The following WDFY3 variants were observed in gnomAD, a reference collection of about 807,000 sequenced individuals.
WDFY3 encodes the protein WD repeat and FYVE domain containing 3, also known as WD repeat and FYVE domain-containing protein 3.
In WDFY3, 66 loss-of-function variants were observed where a neutral mutation model predicts 409.6. That is an observed-to-expected ratio of 0.16 (90% CI 0.13 to 0.20). The LOEUF (loss-of-function observed/expected upper bound fraction) is 0.20. Ranked by LOEUF, WDFY3 falls within the 10% of genes least tolerant of loss-of-function variation. The probability of loss-of-function intolerance (pLI) is 1.00; values close to 1 mark genes in which losing one functional copy is unlikely to be tolerated. For missense variants in WDFY3, 3,031 were observed against 4,298.1 expected (o/e 0.71, Z 8.24); for synonymous variants, 1,521 against 1,537.1 (o/e 0.99, Z 0.25).
Position 84,920,218 on chromosome 4 carries a change from C to T in WDFY3, c.-132+12052G>A, listed in dbSNP as rs111444303. Among the ~76,000 whole-genome samples the T allele has an allele frequency of 4.3e-4, 65 of 152,150 alleles. 1 individual carries two copies. Among genetic ancestry groups the T allele is most frequent in the African/African-American group, 1.4e-3 (57 of 41,542 alleles). On this transcript the variant is annotated intron_variant, in intron 2 of 67. Coordinates refer to ENST00000295888, the MANE Select transcript of WDFY3 (RefSeq NM_014991.6). Reference sequence around the variant, plus strand: ...CGCAAGATATGATCATTGACTAATTCCTACACTGGAGGAGAAGAAAACTGC... The same window carrying T: ...CGCAAGATATGATCATTGACTAATTTCTACACTGGAGGAGAAGAAAACTGC...
At chr4:84,889,329 T>C (rs1050475650) in intron 3 of WDFY3, among the ~76,000 whole-genome samples, 13 of 152,178 alleles carry the variant, frequency 8.5e-5, no homozygotes, top group African/African-American at 2.7e-4. Context: ...TTGTGCATGA[T>C]ATTACACATC....
chr4:84,744,925 T>G (rs1194482712), intron 36 of WDFY3, among the ~76,000 whole-genome samples: 1 of 149,512 alleles, frequency 6.7e-6, no homozygotes, highest in Non-Finnish European at 1.5e-5. Flanking sequence ...CAAAGACATA[T>G]GTTTTCCTAA....
chr4:84,899,258 CA>C (rs1484826791), intron 2 of WDFY3, among the ~76,000 whole-genome samples: 8 of 151,968 alleles, frequency 5.3e-5, no homozygotes, highest in Admixed American at 5.2e-4. Context: ...ATATCCAAGC[CA>C]AAAGACCACA....
At chr4:84,848,988 C>G (rs1214421880) in intron 5 of WDFY3, among the ~76,000 whole-genome samples, 4 of 152,100 alleles carry the variant, frequency 2.6e-5, no homozygotes, top group Non-Finnish European at 4.4e-5. Context: ...AAGAAAAGAA[C>G]CCATTTTTCA....
rs749310410 is a variant in WDFY3, at chr4:84,741,789, A to T, written c.6206T>A (p.Ile2069Lys). Residue 2069 changes from isoleucine to lysine, a missense_variant, in exon 38 of 68, where the codon ATA (isoleucine) becomes AAA (lysine). Physicochemically the swap from Ile to Lys is moderately radical, Grantham distance 102. Around this residue, in one of 16 missense-constraint regions of WDFY3, gnomAD observed 314 missense variants for 397.4 expected, o/e 0.79. Transcript: ENST00000295888. ...TGCAATTAGTTGAATTATAAAATCT[A>T]TAAGAAGTTTAGATTCTTTGTTGAA... ...GMFNKESKLL[I>K]DFIIQLIAQS... 1 of 1,612,146 alleles carries T rather than the reference A, an allele frequency of 6.2e-7. No homozygotes were observed. The highest frequency in any genetic ancestry group is 1.3e-5 in the African/African-American group (1 of 74,928).
At chr4:84,842,555 C>T (rs367898235) in intron 5 of WDFY3, among the ~76,000 whole-genome samples, 12 of 151,828 alleles carry the variant, frequency 7.9e-5, no homozygotes, top group East Asian at 3.9e-4. Flanking sequence ...TGGTGGCTCA[C>T]GCCACCAAGG....
chr4:84,693,083 G>A, intron 58 of WDFY3, 51 bp from the exon 59 acceptor site: 1 of 1,557,516 alleles, frequency 6.4e-7, no homozygotes, highest in African/African-American at 1.4e-5. Context: ...ACACTTATAA[G>A]CCCTTTTATA....
intron 66 of WDFY3, 27 bp downstream of exon 66, chr4:84,678,141 C>A (rs376905233): frequency 1.3e-5 from 21 of 1,574,904 alleles, no homozygotes; most frequent in Non-Finnish European, 1.7e-5. Flanking sequence ...AGATGGGAAG[C>A]GGAGCTGGAA....
At position 84,696,722 on chromosome 4, in the gene WDFY3, C is replaced by T. The variant is rs374926767; in HGVS notation, c.8688+10G>A. The stretch of plus-strand genomic sequence containing the variant: ...AATTCAACTTCAATTGTAAAATGTA[C>T]TTCCATTACCTCACGATGGACTCTG... On this transcript the variant is annotated intron_variant, in intron 57 of 67. Coordinates refer to ENST00000295888, the MANE Select transcript of WDFY3 (RefSeq NM_014991.6). The T allele has an allele frequency of 2.5e-6, 4 of 1,611,852 alleles. No individual in the cohort carries two copies. Among genetic ancestry groups the T allele is most frequent in the South Asian group, 1.1e-5 (1 of 90,930 alleles).
At chr4:84,746,335 T>C (rs2149263621) in intron 36 of WDFY3, among the ~76,000 whole-genome samples, 1 of 152,016 alleles carries the variant, frequency 6.6e-6, no homozygotes, top group South Asian at 2.1e-4. Context: ...AAAGCTACTC[T>C]TTCAGGTTCA....
intron 3 of WDFY3, among the ~76,000 whole-genome samples, chr4:84,887,103 A>T (rs1209808130): frequency 6.6e-6 from 1 of 152,160 alleles, no homozygotes; most frequent in East Asian, 1.9e-4. Flanking sequence ...CCAGGAAATG[A>T]CAATTCATTT....
rs1305788919 is a variant in WDFY3, at chr4:84,749,814, A to G, written c.5973+1669T>C. ...CTGCTTTTCCCTGAACTGTACTCCT[A>G]CTCGCTAGTATATTGAAGCACTATT... On this transcript the variant is annotated intron_variant, in intron 36 of 67. Coordinates refer to ENST00000295888, the MANE Select transcript of WDFY3 (RefSeq NM_014991.6). Among the ~76,000 whole-genome samples the G allele has an allele frequency of 3.3e-5, 5 of 152,060 alleles. No individual in the cohort carries two copies. In the East Asian group the frequency reaches 9.6e-4, roughly 29 times the overall value.
intron 36 of WDFY3, among the ~76,000 whole-genome samples, chr4:84,746,145 CAAAAAAAAAAAA>C (rs761664622): frequency 1.6e-5 from 1 of 60,632 alleles, no homozygotes; most frequent in African/African-American, 6.5e-5. Context: ...CTGTCTCTAC[CAAAAAAAAAAAA>C]AAAAAAAAAA....
At chr4:84,843,304 G>A (rs1469819988) in intron 5 of WDFY3, among the ~76,000 whole-genome samples, 1 of 152,122 alleles carries the variant, frequency 6.6e-6, no homozygotes, top group Non-Finnish European at 1.5e-5. Flanking sequence ...ATTTTGTAAA[G>A]AATAGCATAA....
intron 43 of WDFY3, among the ~76,000 whole-genome samples, chr4:84,734,448 T>C (rs1290578404): frequency 1.3e-5 from 2 of 152,182 alleles, no homozygotes; most frequent in African/African-American, 4.8e-5. Context: ...GGATCTAGTG[T>C]TATATCCGTA....
In WDFY3 at chr4:84,714,047, T is replaced by C. The variant is rs184356164; in HGVS notation, c.7962-808A>G. On this transcript the variant is annotated intron_variant, in intron 50 of 67. Transcript: ENST00000295888. ...AGGAAAATTGCTTGAACCTGGGAGG[T>C]GGAAGTTGCAGTGAGCCGAGATTGC... Among the ~76,000 whole-genome samples, 669 of 151,328 alleles carry C rather than the reference T, an allele frequency of 4.4e-3. 4 individuals carry two copies. The highest frequency in any genetic ancestry group is 0.015 in the African/African-American group (636 of 41,192).
intron 36 of WDFY3, among the ~76,000 whole-genome samples, chr4:84,747,575 C>T (rs1199731228): frequency 6.6e-6 from 1 of 152,012 alleles, no homozygotes; most frequent in East Asian, 1.9e-4. Flanking sequence ...TGGCTGTATC[C>T]CCTACCAAAT....
chr4:84,876,519 T>G (rs1292265138), intron 3 of WDFY3, among the ~76,000 whole-genome samples: 4 of 152,354 alleles, frequency 2.6e-5, no homozygotes, highest in African/African-American at 9.6e-5. Context: ...TTGGCACAAG[T>G]GCTCAGTAAG....
At chr4:84,801,199 T>C (rs188416165) in intron 17 of WDFY3, among the ~76,000 whole-genome samples, 7 of 152,296 alleles carry the variant, frequency 4.6e-5, no homozygotes, top group Middle Eastern at 3.4e-3. Context: ...ATCAATTTCT[T>C]GGTTTGGATA....
Sources: allele counts gnomAD v4.1 joint callset (sites outside exome capture counted in the v4.1 genomes callset), GRCh38; gene constraint gnomAD v4.1.1; regional missense constraint gnomAD v4.1.1; transcripts MANE v1.5; gene names NCBI Gene and HGNC (gene_info 2026-07-23, HGNC 2026-07-21).